The following BTBD7 variants were observed in gnomAD, a reference collection of about 807,000 sequenced individuals.
BTBD7 encodes BTB/POZ domain-containing protein 7.
A neutral mutation model predicts 99.9 loss-of-function variants in BTBD7; 38 were observed. That is an observed-to-expected ratio of 0.38 (90% CI 0.29 to 0.50). The LOEUF is 0.50. Among genes scored for constraint, BTBD7 ranks in the 20% least tolerant of loss-of-function variants. The pLI is 0.93. For missense variants in BTBD7, 1,170 were observed against 1,394.6 expected (o/e 0.84, Z 2.57); for synonymous variants, 520 against 511.4 (o/e 1.02, Z -0.23).
At chr14:93,281,255 G>A (rs2052716651) in intron 3 of BTBD7, among the ~76,000 whole-genome samples, 1 of 151,528 alleles carries the variant, frequency 6.6e-6, no homozygotes, top group Non-Finnish European at 1.5e-5. Context: ...GCCTGCCTTG[G>A]CCTCCCAAAA....
intron 3 of BTBD7, among the ~76,000 whole-genome samples, chr14:93,270,763 C>T (rs2052593196): frequency 6.6e-6 from 1 of 151,910 alleles, no homozygotes; most frequent in Admixed American, 6.6e-5. Context: ...GTAGCCAAGG[C>T]ATTTAATGGA....
In BTBD7 at chr14:93,262,209, T is replaced by A. The variant is rs189173081; in HGVS notation, c.1372-532A>T. On this transcript the variant is annotated intron_variant, in intron 4 of 10. Transcript: ENST00000334746. ...GTGCAGTGGTGTGATCTTGACTCAC[T>A]GCAAGCTCCTCCTCCCAGGTTCACG... 2.0e-3 allele frequency among the ~76,000 whole-genome samples: 298 copies of A among 151,808 alleles called. 1 individual carries two copies. Among genetic ancestry groups the A allele is most frequent in the African/African-American group, 6.3e-3 (262 of 41,388 alleles).
Position 93,253,690 on chromosome 14 carries a change from T to C in BTBD7, c.1709A>G (p.Tyr570Cys), listed in dbSNP as rs1405103694. The part of the protein sequence containing the change: ...AWLRQKNAGI[Y>C]VRPRLFSPYV... ...GGGAGAGAAGAGTCGAGGACGAACA[T>C]AGATGCCAGCATTTTTTTGCCGTAA... is the stretch of plus-strand genomic sequence containing the variant. Residue 570 changes from tyrosine (Y) to cysteine (C), a missense_variant, in exon 7 of 11, where the codon TAT (tyrosine) becomes TGT (cysteine). Transcript: ENST00000334746. 16 of 1,613,364 alleles carry C rather than the reference T, an allele frequency of 9.9e-6. No individual in the cohort carries two copies. Among genetic ancestry groups the C allele is most frequent in the Non-Finnish European group, 1.3e-5 (15 of 1,179,472 alleles).
rs200009046 is a variant in BTBD7 at position 93,245,954 on chromosome 14, C to A, written c.2454G>T (p.Pro818=). ...AATCAGGCGGTGCAGCTTTCACACT[C>A]GGCAAGTAGACTGGGGGAGGGCCAG... is the stretch of plus-strand genomic sequence containing the variant. ...PKAGPPPVYL[P]SVKAAPPDCT... The change falls in exon 10 of 11, where the codon CCG becomes CCT. Residue 818 remains proline (P), a synonymous_variant. Coordinates refer to ENST00000334746, the MANE Select transcript of BTBD7 (RefSeq NM_001002860.4). The A allele has an allele frequency of 1.1e-5, 18 of 1,614,104 alleles. No individual in the cohort carries two copies. Among genetic ancestry groups the A allele is most frequent in the Non-Finnish European group, 1.5e-5 (18 of 1,180,022 alleles).
At chr14:93,296,610 TTAAAA>T (rs1463138555) in intron 1 of BTBD7, among the ~76,000 whole-genome samples, 6 of 152,190 alleles carry the variant, frequency 3.9e-5, no homozygotes, top group African/African-American at 9.6e-5. Flanking sequence ...TTTTTCTGCC[TTAAAA>T]TAAAGTTGCT....
chr14:93,272,119 C>A (rs1461849987), intron 3 of BTBD7, among the ~76,000 whole-genome samples: 1 of 152,078 alleles, frequency 6.6e-6, no homozygotes, highest in Non-Finnish European at 1.5e-5. Context: ...GAGTTTGAGA[C>A]CAGCCTGACC....
chr14:93,327,491 T>A (rs571282220), intron 1 of BTBD7, among the ~76,000 whole-genome samples: 3 of 152,188 alleles, frequency 2.0e-5, no homozygotes, highest in Non-Finnish European at 4.4e-5. Flanking sequence ...TTCATGATAA[T>A]ATATTATTCT....
chr14:93,304,790 C>A (rs910781395), intron 1 of BTBD7, among the ~76,000 whole-genome samples: 1 of 152,208 alleles, frequency 6.6e-6, no homozygotes, highest in African/African-American at 2.4e-5. Flanking sequence ...GATTTTCTGA[C>A]ACCAACTTAG....
chr14:93,258,181 A>G (rs995938277), intron 5 of BTBD7, among the ~76,000 whole-genome samples: 3 of 151,818 alleles, frequency 2.0e-5, no homozygotes, highest in African/African-American at 7.3e-5. Flanking sequence ...CTACAGGAAA[A>G]CTGGTATCTT....
At chr14:93,247,305 G>A (rs1385249992) in intron 9 of BTBD7, among the ~76,000 whole-genome samples, 1 of 151,570 alleles carries the variant, frequency 6.6e-6, no homozygotes, top group East Asian at 1.9e-4. Flanking sequence ...TGGGATTACA[G>A]CCATTGTGTC....
At chr14:93,260,593 C>A (rs1012368062) in intron 5 of BTBD7, among the ~76,000 whole-genome samples, 2 of 150,764 alleles carry the variant, frequency 1.3e-5, no homozygotes, top group Non-Finnish European at 2.9e-5. Flanking sequence ...GCTCTTGTTG[C>A]CCCAGGCTGG....
intron 3 of BTBD7, among the ~76,000 whole-genome samples, chr14:93,281,308 A>T (rs2139740777): frequency 6.8e-6 from 1 of 147,514 alleles, no homozygotes; most frequent in African/African-American, 2.5e-5. Flanking sequence ...TAATTTTTGT[A>T]TTTTTTTTTG....
intron 3 of BTBD7, among the ~76,000 whole-genome samples, chr14:93,286,175 A>C (rs1371716033): frequency 6.6e-6 from 1 of 152,152 alleles, no homozygotes; most frequent in Non-Finnish European, 1.5e-5. Context: ...GCTTTTCTGT[A>C]CCACTAACCC....
At position 93,294,892 on chromosome 14, in the gene BTBD7, A is replaced by C; in HGVS notation, c.128T>G (p.Leu43Trp). 6.2e-7 allele frequency: 1 copy of C among 1,606,832 alleles called. No individual in the cohort carries two copies. The highest frequency in any genetic ancestry group is 8.5e-7 in the Non-Finnish European group (1 of 1,178,308). ...CTCATGGCCATGGTCAAGGCTATAC[A>C]ACTTTGATTCGCAACCATAGCCTTG... ...SQQGYGCESK[L>W]YSLDHGHEKP... The change falls in exon 3 of 11, where the codon TTG (leucine) becomes TGG (tryptophan). Residue 43 changes from leucine to tryptophan, a missense_variant. Coordinates refer to ENST00000334746, the MANE Select transcript of BTBD7 (RefSeq NM_001002860.4).
chr14:93,281,762 A>C (rs144966039), intron 3 of BTBD7, among the ~76,000 whole-genome samples: 112 of 152,344 alleles, frequency 7.4e-4, no homozygotes, highest in African/African-American at 2.5e-3. Context: ...TATATCACTA[A>C]TAAGGATTTG....
intron 10 of BTBD7, among the ~76,000 whole-genome samples, chr14:93,245,471 ATAG>A (rs1318297203): frequency 1.3e-5 from 2 of 152,260 alleles, no homozygotes; most frequent in African/African-American, 4.8e-5. Flanking sequence ...ATTTTACAGA[ATAG>A]TAGAAGTTAG....
At chr14:93,244,163 G>A in intron 10 of BTBD7, 1 of 451,614 alleles carries the variant, frequency 2.2e-6, no homozygotes, top group East Asian at 6.3e-5. Context: ...GGGCAGACTA[G>A]GCTGATTTTC....
At chr14:93,305,137 A>C (rs2139791920) in intron 1 of BTBD7, among the ~76,000 whole-genome samples, 1 of 152,328 alleles carries the variant, frequency 6.6e-6, no homozygotes, top group Non-Finnish European at 1.5e-5. Flanking sequence ...TTTTCTTCAC[A>C]TTACGGAGAC....
At chr14:93,262,930 A>G (rs573852877) in intron 4 of BTBD7, among the ~76,000 whole-genome samples, 1 of 152,336 alleles carries the variant, frequency 6.6e-6, no homozygotes, top group African/African-American at 2.4e-5. Flanking sequence ...GATTCTCCAT[A>G]AATCAAGCCC....
Sources: allele counts gnomAD v4.1 joint callset (sites outside exome capture counted in the v4.1 genomes callset), GRCh38; gene constraint gnomAD v4.1.1; transcripts MANE v1.5; gene names NCBI Gene and HGNC (gene_info 2026-07-23, HGNC 2026-07-21).